The following KCND2 variants were observed in gnomAD, a reference collection of about 807,000 sequenced individuals.
KCND2 encodes the protein A-type voltage-gated potassium channel KCND2.
Under a neutral mutation model 54.4 loss-of-function variants are expected in KCND2, and 16 were observed. The observed-to-expected ratio is 0.29, with a 90% CI of 0.20 to 0.45. The LOEUF (loss-of-function observed/expected upper bound fraction) is 0.45, where lower values mean the gene tolerates loss of function less well. Among genes scored for constraint, KCND2 ranks in the 20% least tolerant of loss-of-function variants. KCND2 has a pLI of 1.00. For missense variants in KCND2, 486 were observed against 824.2 expected (o/e 0.59, Z 5.02); for synonymous variants, 317 against 310.7 (o/e 1.02, Z -0.21).
At chr7:120,589,055 C>A (rs1792637180) in intron 1 of KCND2, among the ~76,000 whole-genome samples, 1 of 152,104 alleles carries the variant, frequency 6.6e-6, no homozygotes, top group Non-Finnish European at 1.5e-5. Flanking sequence ...GGACACAGGT[C>A]AAAGTGGACA....
intron 1 of KCND2, among the ~76,000 whole-genome samples, chr7:120,620,937 A>T (rs1489881041): frequency 6.6e-6 from 1 of 152,170 alleles, no homozygotes; most frequent in East Asian, 1.9e-4. Flanking sequence ...TGGCAATGGA[A>T]ACTAAACAAC....
chr7:120,324,586 G>A (rs1296121603), intron 1 of KCND2, among the ~76,000 whole-genome samples: 3 of 149,158 alleles, frequency 2.0e-5, no homozygotes, highest in Non-Finnish European at 4.5e-5. Flanking sequence ...TTTTTCTCAG[G>A]TTTGTCAAAG....
chr7:120,337,546 C>G (rs1800169572), intron 1 of KCND2, among the ~76,000 whole-genome samples: 1 of 152,120 alleles, frequency 6.6e-6, no homozygotes, highest in African/African-American at 2.4e-5. Context: ...TCTCCATTAT[C>G]AAAACCAGGA....
intron 1 of KCND2, among the ~76,000 whole-genome samples, chr7:120,578,154 A>G (rs1367104381): frequency 1.3e-5 from 2 of 152,116 alleles, no homozygotes; most frequent in Non-Finnish European, 2.9e-5. Context: ...CTGATGCAGT[A>G]GCATGTACCT....
intron 4 of KCND2, among the ~76,000 whole-genome samples, chr7:120,744,190 A>G (rs1391912490): frequency 1.3e-5 from 2 of 152,144 alleles, no homozygotes; most frequent in East Asian, 1.9e-4. Flanking sequence ...TGAACCCAGG[A>G]GGCAGAGGTT....
chr7:120,730,737 GGGTCA>G lies in KCND2; in HGVS notation c.1116-2165_1116-2161del, dbSNP rs111662927. Among the ~76,000 whole-genome samples the G allele has an allele frequency of 1.5e-3, 235 of 152,248 alleles. 1 individual carries two copies. Among genetic ancestry groups the G allele is most frequent in the African/African-American group, 5.4e-3 (223 of 41,546 alleles). ...AATCAAAGGACCAGAGCTCAGAATA[GGGTCA>G]CTAAATGTGGCACTAGATAGTATCA... On this transcript the variant is annotated intron_variant, in intron 1 of 5. Coordinates refer to ENST00000331113, the MANE Select transcript of KCND2 (RefSeq NM_012281.3).
rs17142666 is a variant in KCND2, at chr7:120,350,103, A to G, written c.1115+74356A>G. On this transcript the variant is annotated intron_variant, in intron 1 of 5. Transcript: ENST00000331113. ...ATAATAATATCACTTTGTGAGGTAA[A>G]TGTATCAGGGTTTATGAAAACTATG... 0.056 allele frequency among the ~76,000 whole-genome samples: 8,496 copies of G among 152,138 alleles called. 1,351 individuals are homozygous for G. In the East Asian group the frequency reaches 0.63, roughly 11 times the overall value.
intron 1 of KCND2, among the ~76,000 whole-genome samples, chr7:120,465,333 G>GAT (rs1802351184): frequency 1.3e-5 from 2 of 151,736 alleles, no homozygotes; most frequent in South Asian, 4.2e-4. Context: ...TGTACCAAAG[G>GAT]CTGCTATAGG....
intron 1 of KCND2, among the ~76,000 whole-genome samples, chr7:120,486,381 T>A (rs1394138702): frequency 1.3e-5 from 2 of 152,116 alleles, no homozygotes; most frequent in African/African-American, 4.8e-5. Context: ...AGGTGATTCA[T>A]GCTGCCAAAC....
chr7:120,747,089 A>G (rs1339725592), intron 5 of KCND2, among the ~76,000 whole-genome samples: 1 of 152,118 alleles, frequency 6.6e-6, no homozygotes, highest in Non-Finnish European at 1.5e-5. Context: ...GCTTCTGTGT[A>G]TATCCTTCTC....
intron 1 of KCND2, among the ~76,000 whole-genome samples, chr7:120,436,262 T>G (rs1413864454): frequency 6.6e-6 from 1 of 152,218 alleles, no homozygotes; most frequent in Non-Finnish European, 1.5e-5. Flanking sequence ...AATATTTTCG[T>G]AATGGACTTT....
intron 1 of KCND2, among the ~76,000 whole-genome samples, chr7:120,554,951 A>G (rs1436667067): frequency 6.6e-6 from 1 of 152,214 alleles, no homozygotes; most frequent in East Asian, 1.9e-4. Context: ...AAATGGATCT[A>G]AGAATGAAAT....
rs552291476 is a variant in KCND2, at chr7:120,605,036, T to A, written c.1116-127867T>A. ...TAAGATTATTACTATTAATTAATAA[T>A]CCACTTCAAGATGTTTTCACATCAG... On this transcript the variant is annotated intron_variant, in intron 1 of 5. Coordinates refer to ENST00000331113, the MANE Select transcript of KCND2 (RefSeq NM_012281.3). 1.2e-4 allele frequency among the ~76,000 whole-genome samples: 19 copies of A among 152,314 alleles called. No individual in the cohort carries two copies. The South Asian group carries it at 2.7e-3, about 22-fold the overall frequency.
intron 1 of KCND2, among the ~76,000 whole-genome samples, chr7:120,524,882 C>G (rs1177845767): frequency 6.6e-6 from 1 of 152,098 alleles, no homozygotes; most frequent in Non-Finnish European, 1.5e-5. Flanking sequence ...TGTTCAACGT[C>G]GGGATAGGAA....
chr7:120,688,976 T>C (rs1792236848), intron 1 of KCND2, among the ~76,000 whole-genome samples: 1 of 152,102 alleles, frequency 6.6e-6, no homozygotes, highest in Admixed American at 6.6e-5. Context: ...ATAACTCTGA[T>C]GGATTCAAAA....
chr7:120,598,769 G>A (rs190515961), intron 1 of KCND2, among the ~76,000 whole-genome samples: 1 of 152,028 alleles, frequency 6.6e-6, no homozygotes, highest in African/African-American at 2.4e-5. Flanking sequence ...TCTGTTGCTT[G>A]CATTGTTACT....
chr7:120,449,981 A>T (rs1802077321), intron 1 of KCND2, among the ~76,000 whole-genome samples: 1 of 152,230 alleles, frequency 6.6e-6, no homozygotes, highest in African/African-American at 2.4e-5. Flanking sequence ...GTGTCTTCTG[A>T]AGATTCTATT....
chr7:120,566,169 A>G (rs1195248488), intron 1 of KCND2, among the ~76,000 whole-genome samples: 1 of 152,172 alleles, frequency 6.6e-6, no homozygotes, highest in Admixed American at 6.6e-5. Flanking sequence ...ATAATATTTT[A>G]CCCTGAAATA....
At chr7:120,327,268 A>G (rs11769340) in intron 1 of KCND2, among the ~76,000 whole-genome samples, 1 of 152,036 alleles carries the variant, frequency 6.6e-6, no homozygotes, top group African/African-American at 2.4e-5. Flanking sequence ...ATGGTATAAC[A>G]CAGGATGTAC....
Sources: allele counts gnomAD v4.1 joint callset (sites outside exome capture counted in the v4.1 genomes callset), GRCh38; gene constraint gnomAD v4.1.1; transcripts MANE v1.5; gene names NCBI Gene and HGNC (gene_info 2026-07-23, HGNC 2026-07-21).